The following STARD13 variants were observed in gnomAD, a reference collection of about 807,000 sequenced individuals.
STARD13 encodes stAR-related lipid transfer protein 13.
A neutral mutation model predicts 106.4 loss-of-function variants in STARD13; 62 were observed. The ratio of observed to expected loss-of-function variants is 0.58; its 90% CI spans 0.48 to 0.72. The LOEUF is 0.72. STARD13 is among the 30% of genes least tolerant of loss of function. The pLI is 0.00. For synonymous variants in STARD13, 565 were observed against 553.0 expected (o/e 1.02, Z -0.31); for missense variants, 1,387 against 1,424.0 (o/e 0.97, Z 0.42).
chr13:33,548,062 A>G, the STARD13 span, among the ~76,000 whole-genome samples: 1 of 152,186 alleles, frequency 6.6e-6, no homozygotes, highest in Admixed American at 6.5e-5. Flanking sequence ...TTTTCCTATC[A>G]GGTCTTAAAT....
chr13:33,138,815 C>G, intron 4 of STARD13: 1 of 468,108 alleles, frequency 2.1e-6, no homozygotes, highest in Non-Finnish European at 4.3e-6. Flanking sequence ...CTGACTCTTA[C>G]AGAGGCAGGG....
intron 1 of STARD13, among the ~76,000 whole-genome samples, chr13:33,251,651 G>T (rs1322493371): frequency 6.6e-6 from 1 of 152,162 alleles, no homozygotes; most frequent in Admixed American, 6.5e-5. Flanking sequence ...ATTTCCAAAA[G>T]CTTCTCTTTT....
chr13:33,303,270 C>A (rs1892787001), intron 1 of STARD13, among the ~76,000 whole-genome samples: 1 of 152,112 alleles, frequency 6.6e-6, no homozygotes, highest in African/African-American at 2.4e-5. Flanking sequence ...TTCTTGAAAC[C>A]CACAATATCC....
intron 1 of STARD13, among the ~76,000 whole-genome samples, chr13:33,246,120 G>T (rs555111276): frequency 1.3e-5 from 2 of 152,326 alleles, no homozygotes; most frequent in East Asian, 1.9e-4. Flanking sequence ...TTTTTAGTGT[G>T]TGGGTAGAAG....
chr13:33,401,806 C>A, the STARD13 span, among the ~76,000 whole-genome samples: 3,182 of 152,300 alleles, frequency 0.021, 113 homozygotes, highest in African/African-American at 0.073. Context: ...TCATGGCCAA[C>A]AAGGCCCACA....
intron 3 of STARD13, among the ~76,000 whole-genome samples, chr13:33,157,085 T>G (rs1210246843): frequency 6.6e-6 from 1 of 152,146 alleles, no homozygotes; most frequent in Non-Finnish European, 1.5e-5. Flanking sequence ...ATTATTAATG[T>G]TATTCAACAT....
At chr13:33,128,482 A>G (rs1877585331) in intron 5 of STARD13, among the ~76,000 whole-genome samples, 1 of 152,186 alleles carries the variant, frequency 6.6e-6, no homozygotes, top group Admixed American at 6.5e-5. Context: ...AGCAAAAACA[A>G]ACTTGCAGAG....
chr13:33,205,872 CTTCTT>C, intron 1 of STARD13: 1 of 985,462 alleles, frequency 1.0e-6, no homozygotes, highest in Non-Finnish European at 1.2e-6. Flanking sequence ...AAACCCCTCT[CTTCTT>C]CAATTCATTT....
the STARD13 span, among the ~76,000 whole-genome samples, chr13:33,379,179 A>T: frequency 6.6e-6 from 1 of 152,202 alleles, no homozygotes; most frequent in Non-Finnish European, 1.5e-5. Context: ...TTTTTGTACC[A>T]TCAGCTCAAA....
intron 1 of STARD13, among the ~76,000 whole-genome samples, chr13:33,259,661 G>C (rs569141503): frequency 6.6e-6 from 1 of 152,108 alleles, no homozygotes; most frequent in Non-Finnish European, 1.5e-5. Flanking sequence ...CTAGGAAATC[G>C]CCAAAAAGTG....
At chr13:33,109,367 G>C (rs1049328706) in intron 12 of STARD13, among the ~76,000 whole-genome samples, 3 of 152,076 alleles carry the variant, frequency 2.0e-5, no homozygotes, top group African/African-American at 7.2e-5. Flanking sequence ...GAATCAACAA[G>C]ATTTTCTGGA....
At chr13:33,125,985 C>T (rs1469007228) in intron 7 of STARD13, 96 bp downstream of exon 7, 2 of 1,383,088 alleles carry the variant, frequency 1.4e-6, no homozygotes, top group African/African-American at 2.8e-5. Context: ...GCATGTCTTG[C>T]CTGATATTGG....
chr13:33,111,978 A>T, intron 9 of STARD13, 86 bp from the exon 10 acceptor site: 1 of 810,872 alleles, frequency 1.2e-6, no homozygotes, highest in Non-Finnish European at 2.1e-6. Context: ...TTTTCTGTTT[A>T]TACCCAGATG....
intron 3 of STARD13, among the ~76,000 whole-genome samples, chr13:33,151,549 A>G (rs1881281078): frequency 6.6e-6 from 1 of 152,148 alleles, no homozygotes; most frequent in South Asian, 2.1e-4. Flanking sequence ...CCAGGCCCCA[A>G]CTCCAACACT....
chr13:33,566,384 GC>G, the STARD13 span, among the ~76,000 whole-genome samples: 2 of 147,732 alleles, frequency 1.4e-5, no homozygotes, highest in Non-Finnish European at 3.0e-5. Flanking sequence ...TGGAATGTAT[GC>G]CCCATTGATA....
chr13:33,319,428 G>T (rs1319560721), intron 1 of STARD13, among the ~76,000 whole-genome samples: 1 of 152,182 alleles, frequency 6.6e-6, no homozygotes, highest in Non-Finnish European at 1.5e-5. Flanking sequence ...GCTTTCTGCG[G>T]TGATAAAAAT....
chr13:33,622,496 G>A, the STARD13 span, among the ~76,000 whole-genome samples: 1 of 151,248 alleles, frequency 6.6e-6, no homozygotes, highest in Non-Finnish European at 1.5e-5. Context: ...AAAACTAGTC[G>A]GGCGTACTAG....
rs774921980 is a variant in STARD13 at position 33,127,505 on chromosome 13, C to T, written c.1790G>A (p.Arg597Gln). The T allele has an allele frequency of 2.0e-5, 32 of 1,578,090 alleles. No homozygotes were observed. The highest frequency in any genetic ancestry group is 9.4e-5 in the African/African-American group (7 of 74,394). ...WNSFQLSHQP[R>Q]PAPASPHISS... ...GATGTGGGGCGATGCTGGGGCCGGCCGGGGCTGGTGCGACAGCTGGAAACT... is the reference window on the plus strand; with the variant it reads ...GATGTGGGGCGATGCTGGGGCCGGCTGGGGCTGGTGCGACAGCTGGAAACT... The change falls in exon 6 of 14, where the codon CGG (arginine) becomes CAG (glutamine). Residue 597 changes from arginine to glutamine, a missense_variant. Physicochemically the swap from Arg to Gln is conservative, Grantham distance 43 (BLOSUM62 1). Transcript: ENST00000336934.
chr13:33,437,631 T>C, the STARD13 span, among the ~76,000 whole-genome samples: 535 of 152,178 alleles, frequency 3.5e-3, 2 homozygotes, highest in African/African-American at 0.013. Context: ...ATTTGAAAGA[T>C]GAGGTTAAAA....
Sources: allele counts gnomAD v4.1 joint callset (sites outside exome capture counted in the v4.1 genomes callset), GRCh38; gene constraint gnomAD v4.1.1; transcripts MANE v1.5; gene names NCBI Gene and HGNC (gene_info 2026-07-23, HGNC 2026-07-21).